Variants in AMOTL1 observed in about 807,000 individuals in gnomAD.
The protein encoded by AMOTL1 is angiomotin-like protein 1.
Under a neutral mutation model 102.9 loss-of-function variants are expected in AMOTL1, and 45 were observed. The observed-to-expected ratio is 0.44, with a 90% confidence interval of 0.34 to 0.56. The LOEUF is 0.56. AMOTL1 is among the 20% of genes least tolerant of loss of function. The probability of loss-of-function intolerance (pLI) is 0.01; values close to 1 mark genes in which losing one functional copy is unlikely to be tolerated. For missense variants in AMOTL1, 1,114 were observed against 1,225.6 expected (o/e 0.91, Z 1.36); for synonymous variants, 481 against 484.7 (o/e 0.99, Z 0.10).
chr11:94,868,882 T>G (rs1202157113), intron 11 of AMOTL1, among the ~76,000 whole-genome samples: 2 of 151,950 alleles, frequency 1.3e-5, no homozygotes, highest in Non-Finnish European at 2.9e-5. Context: ...AATAATTTAT[T>G]TGTATCCTAC....
chr11:94,771,794 A>G (rs1329832698), intron 1 of AMOTL1, among the ~76,000 whole-genome samples: 2 of 152,256 alleles, frequency 1.3e-5, no homozygotes, highest in Non-Finnish European at 2.9e-5. Flanking sequence ...TGGACTCCTA[A>G]AGGGGCTCAC....
At chr11:94,750,453 A>G (rs1950639030) in intron 3 of AMOTL1, among the ~76,000 whole-genome samples, 1 of 152,128 alleles carries the variant, frequency 6.6e-6, no homozygotes, top group Non-Finnish European at 1.5e-5. Flanking sequence ...GGCTGCAGGG[A>G]TGAGAATGCT....
chr11:94,818,233 C>T (rs1024497246), intron 3 of AMOTL1, among the ~76,000 whole-genome samples: 1 of 152,070 alleles, frequency 6.6e-6, no homozygotes, highest in Non-Finnish European at 1.5e-5. Flanking sequence ...CAAATAAAAC[C>T]CTTTGGGAAA....
intron 1 of AMOTL1, among the ~76,000 whole-genome samples, chr11:94,773,584 C>G (rs368105516): frequency 5.6e-4 from 85 of 152,300 alleles, no homozygotes; most frequent in African/African-American, 1.9e-3. Flanking sequence ...AGAGAGGGCT[C>G]ACTTTGGTCC....
At chr11:94,814,832 T>G (rs1240359942) in intron 3 of AMOTL1, among the ~76,000 whole-genome samples, 1 of 152,214 alleles carries the variant, frequency 6.6e-6, no homozygotes, top group African/African-American at 2.4e-5. Flanking sequence ...TAATGCCACT[T>G]ATTCAGTTGT....
At chr11:94,827,955 G>A (rs1951998184) in intron 4 of AMOTL1, among the ~76,000 whole-genome samples, 1 of 152,144 alleles carries the variant, frequency 6.6e-6, no homozygotes, top group African/African-American at 2.4e-5. Flanking sequence ...CTAATCTTCT[G>A]TTTACCTCCC....
At chr11:94,765,149 T>C (rs569613725), upstream of AMOTL1, among the ~76,000 whole-genome samples, 44 of 152,338 alleles carry the variant, frequency 2.9e-4, 1 homozygote, top group Admixed American at 2.6e-3. Flanking sequence ...AATTGGCCCA[T>C]CATCTTCTTA....
chr11:94,762,876 T>C (rs991883257), intron 3 of AMOTL1, among the ~76,000 whole-genome samples: 1 of 152,220 alleles, frequency 6.6e-6, no homozygotes, highest in Non-Finnish European at 1.5e-5. Context: ...GAGACTGGTG[T>C]GTCACTATGG....
At chr11:94,853,348 G>A (rs1169292731) in intron 7 of AMOTL1, among the ~76,000 whole-genome samples, 1 of 151,650 alleles carries the variant, frequency 6.6e-6, no homozygotes, top group Non-Finnish European at 1.5e-5. Context: ...CCCTCCCTGT[G>A]CCTATATGTT....
intron 1 of AMOTL1, among the ~76,000 whole-genome samples, chr11:94,787,408 G>A (rs1218339302): frequency 6.6e-6 from 1 of 152,084 alleles, no homozygotes; most frequent in African/African-American, 2.4e-5. Flanking sequence ...GGCAGATAGT[G>A]CTAAGTCATG....
intron 6 of AMOTL1, among the ~76,000 whole-genome samples, chr11:94,837,126 C>G (rs932368206): frequency 4.6e-5 from 7 of 152,196 alleles, no homozygotes; most frequent in Admixed American, 3.3e-4. Flanking sequence ...TAGGACTATG[C>G]AGTTCTAAAA....
chr11:94,845,270 G>C (rs1191468925), intron 6 of AMOTL1, among the ~76,000 whole-genome samples: 4 of 152,164 alleles, frequency 2.6e-5, no homozygotes, highest in East Asian at 1.9e-4. Flanking sequence ...GACAGAAAGG[G>C]GACATCTTTG....
Position 94,876,671 on chromosome 11 carries a change from A to T in AMOTL1, c.*5876A>T, listed in dbSNP as rs886970888. The T allele has an allele frequency of 2.0e-5, 3 of 152,520 alleles. No individual in the cohort carries two copies. Among genetic ancestry groups the T allele is most frequent in the African/African-American group, 7.2e-5 (3 of 41,398 alleles). 9.4% of individuals were successfully genotyped at this position (152,520 alleles called of 1,614,324 possible). The stretch of plus-strand genomic sequence containing the variant: ...AATAAATGGATAAAATGGCAAAATG[A>T]CTCTTTTCTCTCGCTTGCTCCTTTC... On this transcript the variant is annotated 3_prime_UTR_variant, in exon 13 of 13. Coordinates refer to ENST00000433060, the MANE Select transcript of AMOTL1 (RefSeq NM_130847.3).
Position 94,800,330 on chromosome 11 carries a change from C to T in AMOTL1, c.1121+19C>T, listed in dbSNP as rs749547436. The stretch of plus-strand genomic sequence containing the variant: ...TAACGAGGTGATTATCAACTGCAGA[C>T]GTTTCGTGCGGCTTTTCAAAATTCA... On this transcript the variant is annotated intron_variant, in intron 3 of 12. Coordinates refer to ENST00000433060, the MANE Select transcript of AMOTL1 (RefSeq NM_130847.3). The T allele has an allele frequency of 1.9e-5, 30 of 1,549,606 alleles. No homozygotes were observed. The highest frequency in any genetic ancestry group is 6.3e-5 in the Admixed American group (3 of 47,514).
intron 1 of AMOTL1, among the ~76,000 whole-genome samples, chr11:94,792,852 C>T (rs374387819): frequency 4.6e-5 from 7 of 152,260 alleles, no homozygotes; most frequent in African/African-American, 7.2e-5. Context: ...CTCTGTGCTC[C>T]GGCCCTGCTT....
chr11:94,768,162 C>T (rs1313547284), upstream of AMOTL1, among the ~76,000 whole-genome samples: 1 of 152,170 alleles, frequency 6.6e-6, no homozygotes, highest in African/African-American at 2.4e-5. Context: ...CAGGGAGACA[C>T]GTCAGCTTGA....
chr11:94,772,580 T>G (rs886353149), intron 1 of AMOTL1, among the ~76,000 whole-genome samples: 1 of 152,258 alleles, frequency 6.6e-6, no homozygotes, highest in African/African-American at 2.4e-5. Context: ...CTGAGTAGTA[T>G]TCCATAATAT....
intron 1 of AMOTL1, among the ~76,000 whole-genome samples, chr11:94,789,655 T>C (rs555377670): frequency 1.3e-5 from 2 of 152,288 alleles, no homozygotes; most frequent in African/African-American, 4.8e-5. Context: ...AAACATTGTT[T>C]CCAGGGTATC....
intron 1 of AMOTL1, among the ~76,000 whole-genome samples, chr11:94,769,557 G>A (rs747673875): frequency 2.0e-5 from 3 of 152,224 alleles, no homozygotes; most frequent in Non-Finnish European, 4.4e-5. Flanking sequence ...TATCTTTACT[G>A]ATGACTAGGA....
Sources: gnomAD v4.1 joint callset for allele counts (sites outside exome capture counted in the v4.1 genomes callset) on GRCh38, gnomAD v4.1.1 for gene constraint, MANE v1.5 for transcripts, NCBI Gene and HGNC (gene_info 2026-07-23, HGNC 2026-07-21) for gene names.